ATR: variants seen among roughly 807,000 people sequenced by gnomAD.
The protein encoded by ATR is serine/threonine-protein kinase ATR.
In ATR, 142 loss-of-function variants were observed where a neutral mutation model predicts 305.3. The observed-to-expected ratio is 0.47, with a 90% confidence interval of 0.41 to 0.53. ATR has a LOEUF of 0.53. Ranked by LOEUF, ATR falls within the 20% of genes least tolerant of loss-of-function variation. ATR has a pLI of 0.00. For missense variants in ATR, 2,135 were observed against 3,133.1 expected, an observed-to-expected ratio of 0.68 and a Z score of 7.60; for synonymous variants, 1,050 against 1,068.1, an observed-to-expected ratio of 0.98 and a Z score of 0.33.
intron 38 of ATR, 89 bp from the exon 39 acceptor site, chr3:142,468,157 A>C: frequency 6.8e-7 from 1 of 1,460,436 alleles, no homozygotes; most frequent in Non-Finnish European, 9.4e-7. Flanking sequence ...AAACTTAAAA[A>C]GTATTCATGA....
chr3:142,530,735 T>A (rs7625306), intron 21 of ATR, among the ~76,000 whole-genome samples: 6,096 of 152,250 alleles, frequency 0.04, 406 homozygotes, highest in African/African-American at 0.14. Flanking sequence ...CTTCTTTCTG[T>A]TTATGCCATA....
rs1259796146 is a variant in ATR at position 142,545,229 on chromosome 3, T to C, written c.3358-2472A>G. ...GAAGACACTAAATAAGTAGTAAGTA[T>C]GTAAACAAAGTTGTGATAATGCTAT... is the stretch of plus-strand genomic sequence containing the variant. On this transcript the variant is annotated intron_variant, in intron 16 of 46. Coordinates refer to ENST00000350721, the MANE Select transcript of ATR (RefSeq NM_001184.4). Among the ~76,000 whole-genome samples the C allele has an allele frequency of 2.0e-5, 3 of 152,302 alleles. No homozygotes were observed. In the East Asian group the frequency reaches 5.8e-4, roughly 29 times the overall value.
Position 142,560,398 on chromosome 3 carries a change from TTC to T in ATR, c.1404_1405del (p.Lys469SerfsTer2), listed in dbSNP as rs1161382656. The T allele has an allele frequency of 6.2e-7, 1 of 1,613,812 alleles. No individual in the cohort carries two copies. The highest frequency in any genetic ancestry group is 8.5e-7 in the Non-Finnish European group (1 of 1,179,796). Reference sequence around the variant, plus strand: ...AAGGGAAATCTGAAGGGATTCAGCTTTCTGTTTCAGTGCACTCCATAATATGC... The same window carrying T: ...AAGGGAAATCTGAAGGGATTCAGCTTTGTTTCAGTGCACTCCATAATATGC... On this transcript the variant is annotated frameshift_variant, in exon 6 of 47. Coordinates refer to ENST00000350721, the MANE Select transcript of ATR (RefSeq NM_001184.4). LOFTEE classifies it high-confidence loss of function.
chr3:142,566,073 G>A (rs944520711), intron 3 of ATR, 48 bp downstream of exon 3: 2 of 1,611,188 alleles, frequency 1.2e-6, no homozygotes, highest in African/African-American at 1.3e-5. Flanking sequence ...GTAAAAGGAG[G>A]ATTTTATAGA....
At position 142,459,341 on chromosome 3, in the gene ATR, G is replaced by T. The variant is rs1345846388; in HGVS notation, c.7235C>A (p.Pro2412Gln). Reference sequence around the variant, plus strand: ...TTTTTCAGATAAAGCTGCTGACTTTGGTAGCATACACTGGCGAAGTTCTTT... The same window carrying T: ...TTTTTCAGATAAAGCTGCTGACTTTTGTAGCATACACTGGCGAAGTTCTTT... ...TGKELRQCML[P>Q]KSAALSEKLK... Residue 2412 changes from proline (P) to glutamine (Q), a missense_variant, in exon 43 of 47, where the codon CCA (proline) becomes CAA (glutamine). Coordinates refer to ENST00000350721, the MANE Select transcript of ATR (RefSeq NM_001184.4). The T allele has an allele frequency of 6.2e-7, 1 of 1,613,798 alleles. No individual in the cohort carries two copies.
At chr3:142,487,032 G>A (rs1276768767) in intron 35 of ATR, among the ~76,000 whole-genome samples, 2 of 151,360 alleles carry the variant, frequency 1.3e-5, no homozygotes, top group South Asian at 2.1e-4. Flanking sequence ...CTCGGGAGGC[G>A]GAGGCAGGAG....
At position 142,550,222 on chromosome 3, in the gene ATR, T is replaced by A. The variant is rs763768484; in HGVS notation, c.2886A>T (p.Gln962His). The A allele has an allele frequency of 2.5e-6, 4 of 1,614,204 alleles. No individual in the cohort carries two copies. Among genetic ancestry groups the A allele is most frequent in the Non-Finnish European group, 3.4e-6 (4 of 1,180,016 alleles). ...CCATTTCTCTCTGGTGAGCCACATC[T>A]TGTTTTCGCACGTCAGCATTCTGGC... ...TPCQNADVRK[Q>H]DVAHQREMAL... is the part of the protein sequence containing the mutation. Residue 962 changes from glutamine to histidine, a missense_variant, in exon 14 of 47, where the codon CAA (glutamine) becomes CAT (histidine). Gln to His is a conservative substitution (Grantham distance 24). Around this residue, in one of 9 missense-constraint regions of ATR, gnomAD observed 530 missense variants for 766.8 expected, o/e 0.69. Coordinates refer to ENST00000350721, the MANE Select transcript of ATR (RefSeq NM_001184.4).
chr3:142,553,215 GCTGA>G lies in ATR; in HGVS notation c.2805+8_2805+11del, dbSNP rs1160669704. On this transcript the variant is annotated splice_region_variant and intron_variant, in intron 13 of 46. Transcript: ENST00000350721. ...GCTGTTGCCTATAGTCCAGACAAACGCTGACTCTTACCTGACAGATGGGTTTCTT... is the reference window on the plus strand; with the variant it reads ...GCTGTTGCCTATAGTCCAGACAAACGCTCTTACCTGACAGATGGGTTTCTT... 4 of 1,613,438 alleles carry G rather than the reference GCTGA, an allele frequency of 2.5e-6. No individual in the cohort carries two copies. The highest frequency in any genetic ancestry group is 3.4e-6 in the Non-Finnish European group (4 of 1,179,650).
Position 142,562,768 on chromosome 3 carries a change from C to G in ATR, c.634G>C (p.Val212Leu). ...LEFIEVTLLM[V>L]LTRIIAIVFF... is the part of the protein sequence containing the mutation. ...ACAATTGCAATAATACGAGTAAGAA[C>G]CATTAATAAAGTGACTTCAATAAAT... The change falls in exon 4 of 47, where the codon GTT (valine) becomes CTT (leucine). Residue 212 changes from valine (V) to leucine (L), a missense_variant. Coordinates refer to ENST00000350721, the MANE Select transcript of ATR (RefSeq NM_001184.4). 6.2e-6 allele frequency: 10 copies of G among 1,611,294 alleles called. No individual in the cohort carries two copies. The highest frequency in any genetic ancestry group is 8.5e-6 in the Non-Finnish European group (10 of 1,179,284).
At chr3:142,467,749 G>C (rs1355782564) in intron 39 of ATR, among the ~76,000 whole-genome samples, 185 bp downstream of exon 39, 2 of 152,032 alleles carry the variant, frequency 1.3e-5, no homozygotes, top group African/African-American at 4.8e-5. Flanking sequence ...TTGGAAGTAA[G>C]ATGTATTAGA....
At chr3:142,486,972 A>C (rs894950105) in intron 35 of ATR, among the ~76,000 whole-genome samples, 1 of 147,402 alleles carries the variant, frequency 6.8e-6, no homozygotes, top group African/African-American at 2.4e-5. Flanking sequence ...AAAAAAAAAA[A>C]AAAAAAAAAC....
chr3:142,525,790 ATGTGATATGCC>A (rs952650166), intron 21 of ATR, among the ~76,000 whole-genome samples: 2 of 152,126 alleles, frequency 1.3e-5, no homozygotes, highest in African/African-American at 4.8e-5. Context: ...CTCTCTCACC[ATGTGATATGCC>A]AACTCCCCTT....
intron 21 of ATR, among the ~76,000 whole-genome samples, chr3:142,530,662 C>G (rs982489270): frequency 6.6e-6 from 1 of 152,006 alleles, no homozygotes; most frequent in East Asian, 1.9e-4. Flanking sequence ...GGATTTGGTT[C>G]ATCTCTGATT....
chr3:142,519,285 A>AT (rs1356722213), intron 24 of ATR, among the ~76,000 whole-genome samples: 2 of 152,040 alleles, frequency 1.3e-5, no homozygotes, highest in East Asian at 3.8e-4. Context: ...TTAAAAAACT[A>AT]TATCAAAAAT....
intron 16 of ATR, among the ~76,000 whole-genome samples, chr3:142,543,515 CTTTCTT>C (rs1377773751): frequency 1.4e-5 from 2 of 146,414 alleles, no homozygotes; most frequent in African/African-American, 5.0e-5. Flanking sequence ...CCCTCTTTCT[CTTTCTT>C]TCTTCCTCTT....
intron 34 of ATR, 57 bp from the exon 35 acceptor site, chr3:142,493,368 T>G (rs2031405526): frequency 6.7e-7 from 1 of 1,488,094 alleles, no homozygotes; most frequent in Admixed American, 2.1e-5. Context: ...TTCTATTTTC[T>G]GCAAAAGTAT....
At chr3:142,516,877 G>T (rs1435225215) in intron 24 of ATR, among the ~76,000 whole-genome samples, 2 of 151,358 alleles carry the variant, frequency 1.3e-5, no homozygotes, top group Non-Finnish European at 2.9e-5. Flanking sequence ...CTCATCTTAC[G>T]GCTACCTGTG....
At chr3:142,549,711 G>A (rs770395992) in intron 14 of ATR, 38 bp from the exon 15 acceptor site, 3 of 1,585,220 alleles carry the variant, frequency 1.9e-6, no homozygotes, top group Non-Finnish European at 2.6e-6. Context: ...AAGTACATTT[G>A]TCTGGGTGAA....
rs2034911475 is a variant in ATR, at chr3:142,562,295, C to T, written c.1107G>A (p.Lys369=). ...AGYESALQVR[K]VYVRNICKAL... ...CTTTACAAATATTTCTCACATAGAC[C>T]TTCCTGACTTGTAAAGCAGATTCAT... Residue 369 remains lysine (K), a synonymous_variant, in exon 4 of 47, where the codon AAG becomes AAA. Transcript: ENST00000350721. 1 of 1,614,034 alleles carries T rather than the reference C, an allele frequency of 6.2e-7. No individual in the cohort carries two copies. The highest frequency in any genetic ancestry group is 1.1e-5 in the South Asian group (1 of 91,078).
Sources: gnomAD v4.1 joint callset for allele counts (sites outside exome capture counted in the v4.1 genomes callset) on GRCh38, gnomAD v4.1.1 for gene constraint, gnomAD v4.1.1 regional missense constraint, MANE v1.5 for transcripts, NCBI Gene and HGNC (gene_info 2026-07-23, HGNC 2026-07-21) for gene names.